The following CHST15 variants were observed in gnomAD, a reference collection of about 807,000 sequenced individuals.
CHST15 encodes the protein carbohydrate sulfotransferase 15.
CHST15 carries 30 observed loss-of-function variants against 53.6 expected under a neutral mutation model. The ratio of observed to expected loss-of-function variants is 0.56; its 90% CI spans 0.42 to 0.76. CHST15 has a LOEUF of 0.76. Ranked by LOEUF, CHST15 falls within the 30% of genes least tolerant of loss-of-function variation. The pLI is 0.00. For missense variants in CHST15, 627 were observed against 740.5 expected, an observed-to-expected ratio of 0.85 and a Z score of 1.78; for synonymous variants, 296 against 289.8, an observed-to-expected ratio of 1.02 and a Z score of -0.22.
chr10:124,046,301 C>G lies in CHST15; in HGVS notation c.-89G>C. The G allele has an allele frequency of 1.6e-6, 2 of 1,243,974 alleles. No individual in the cohort carries two copies. Among genetic ancestry groups the G allele is most frequent in the East Asian group, 4.8e-5 (2 of 41,842 alleles). The allele number at this position is 1,243,974 out of a possible 1,614,324, so 77.1% of individuals were successfully genotyped here. On this transcript the variant is annotated 5_prime_UTR_variant, in exon 2 of 8. Transcript: ENST00000435907. ...ATGTCCGCAAGTCGTGCTAGAAAAC[C>G]TTAAGAATGCCTTGTGATCACAGAA...
chr10:124,088,255 T>C (rs2134256185), intron 1 of CHST15, among the ~76,000 whole-genome samples: 1 of 152,316 alleles, frequency 6.6e-6, no homozygotes, highest in East Asian at 1.9e-4. Context: ...CTGCTGCACT[T>C]TGCCAAGCCC....
rs1948010042 is a variant in CHST15 at position 124,046,502 on chromosome 10, C to T, written c.-290G>A. The stretch of plus-strand genomic sequence containing the variant: ...GTCACAAGTTCGGGAGCAGCTCTGC[C>T]TGCCCTTCAGGTTTTTCCCATGGCA... On this transcript the variant is annotated 5_prime_UTR_variant, in exon 2 of 8. Transcript: ENST00000435907. 3.2e-6 allele frequency: 1 copy of T among 313,434 alleles called. No homozygotes were observed. The highest frequency in any genetic ancestry group is 2.1e-5 in the African/African-American group (1 of 46,562). 19.4% of individuals were successfully genotyped at this position (313,434 alleles called of 1,614,324 possible).
chr10:124,076,997 C>T (rs559371959), intron 1 of CHST15, among the ~76,000 whole-genome samples: 1 of 152,374 alleles, frequency 6.6e-6, no homozygotes, highest in South Asian at 2.1e-4. Flanking sequence ...GCGTGAGCCA[C>T]CGCGCCCGGC....
rs762760114 is a variant in CHST15, at chr10:124,045,804, G to C, written c.409C>G (p.Gln137Glu). 1.2e-6 allele frequency: 2 copies of C among 1,614,034 alleles called. No individual in the cohort carries two copies. The highest frequency in any genetic ancestry group is 2.2e-5 in the South Asian group (2 of 91,072). Residue 137 changes from glutamine to glutamate, a missense_variant, in exon 2 of 8, where the codon CAA (glutamine) becomes GAA (glutamate). By Grantham distance (29) the Gln-to-Glu change is conservative. This residue lies in a region of CHST15 where 187 missense variants were observed against 251.8 expected (regional missense o/e 0.74). Coordinates refer to ENST00000435907, the MANE Select transcript of CHST15 (RefSeq NM_001270764.2). ...TATGAAATATTATTTACAGAGGATT[G>C]GTGGTGATGCTCCTTTGTGTCACTT... ...NPSDTKEHHH[Q>E]SSVNNISYMK...
chr10:124,072,135 A>C (rs1009344379), intron 1 of CHST15, among the ~76,000 whole-genome samples: 1 of 152,232 alleles, frequency 6.6e-6, no homozygotes, highest in Non-Finnish European at 1.5e-5. Context: ...TACTGAATCT[A>C]CTTGGGGTAG....
intron 5 of CHST15, among the ~76,000 whole-genome samples, chr10:124,032,931 T>C (rs1276356053): frequency 1.0e-5 from 1 of 98,500 alleles, no homozygotes; most frequent in Non-Finnish European, 2.0e-5. Flanking sequence ...TTAGGCTGAA[T>C]GTGAACCTAA....
At position 124,012,415 on chromosome 10, in the gene CHST15, T is replaced by C. The variant is rs778447256; in HGVS notation, c.1413A>G (p.Gln471=). ...CTTCCAGGCGAAGAATGAGAAACTGTTGCTTGTCAAAAACGCTGAGCCAGT... is the reference window on the plus strand; with the variant it reads ...CTTCCAGGCGAAGAATGAGAAACTGCTGCTTGTCAAAAACGCTGAGCCAGT... ...LLDWLSVFDK[Q]QFLILRLEDH... is the part of the protein sequence containing the mutation. The change falls in exon 7 of 8, where the codon CAA becomes CAG. Residue 471 remains glutamine, a synonymous_variant. Transcript: ENST00000435907. 1.2e-6 allele frequency: 2 copies of C among 1,614,136 alleles called. No individual in the cohort carries two copies. The highest frequency in any genetic ancestry group is 1.7e-6 in the Non-Finnish European group (2 of 1,180,026).
rs906220112 is a variant in CHST15 at position 124,009,378 on chromosome 10, A to G, written c.*771T>C. On this transcript the variant is annotated 3_prime_UTR_variant, in exon 8 of 8. Transcript: ENST00000435907. ...CAGAAAGTGGTTTTGTTTTAAACGC[A>G]TTCATTTTCTATGTTAAACATAAGT... is the stretch of plus-strand genomic sequence containing the variant. 5 of 1,011,202 alleles carry G rather than the reference A, an allele frequency of 4.9e-6. No homozygotes were observed. Among genetic ancestry groups the G allele is most frequent in the Non-Finnish European group, 5.9e-6 (5 of 844,286 alleles). The allele number at this position is 1,011,202 out of a possible 1,614,324, so 62.6% of individuals were successfully genotyped here. A position where few individuals can be genotyped will look rare whatever the true frequency, so the allele number is the denominator to read the frequency against.
intron 1 of CHST15, among the ~76,000 whole-genome samples, chr10:124,056,769 G>A (rs181079432): frequency 2.6e-5 from 4 of 151,116 alleles, no homozygotes; most frequent in Admixed American, 6.6e-5. Context: ...GCCCAGGCCC[G>A]TACGACCGGA....
chr10:124,090,024 T>C (rs1393161441), intron 1 of CHST15, among the ~76,000 whole-genome samples: 1 of 152,198 alleles, frequency 6.6e-6, no homozygotes, highest in African/African-American at 2.4e-5. Context: ...ACCTCCAGCC[T>C]AGGGACCTGG....
At chr10:124,012,173 A>G (rs943431383) in intron 7 of CHST15, among the ~76,000 whole-genome samples, 160 bp downstream of exon 7, 5 of 152,148 alleles carry the variant, frequency 3.3e-5, no homozygotes, top group African/African-American at 1.2e-4. Context: ...CTAGTGCTCA[A>G]TAAATGGTAC....
At chr10:124,013,739 A>T (rs182494243) in intron 6 of CHST15, among the ~76,000 whole-genome samples, 119 of 152,254 alleles carry the variant, frequency 7.8e-4, no homozygotes, top group African/African-American at 2.7e-3. Context: ...AAACAGCCTC[A>T]TCCCCTTTTG....
intron 6 of CHST15, among the ~76,000 whole-genome samples, chr10:124,015,923 G>A (rs116777343): frequency 0.017 from 2,516 of 152,342 alleles, 30 homozygotes; most frequent in Non-Finnish European, 0.026. Flanking sequence ...GAGTGGTGAC[G>A]AGCCCTGGTG....
At chr10:124,011,244 C>A (rs1375503435) in intron 7 of CHST15, among the ~76,000 whole-genome samples, 1 of 152,194 alleles carries the variant, frequency 6.6e-6, no homozygotes, top group Non-Finnish European at 1.5e-5. Context: ...AAGTCCTTAG[C>A]CCATAGACAG....
chr10:124,083,945 C>T (rs1315101595), intron 1 of CHST15, among the ~76,000 whole-genome samples: 1 of 152,216 alleles, frequency 6.6e-6, no homozygotes, highest in Non-Finnish European at 1.5e-5. Context: ...CAGTTCAACA[C>T]GCCCAGAGCT....
chr10:124,088,744 C>T (rs1335057145), intron 1 of CHST15, among the ~76,000 whole-genome samples: 1 of 152,222 alleles, frequency 6.6e-6, no homozygotes, highest in Non-Finnish European at 1.5e-5. Context: ...AGGGACGCAG[C>T]ACGTGATAGG....
intron 1 of CHST15, among the ~76,000 whole-genome samples, chr10:124,080,285 G>A (rs1949194003): frequency 6.6e-6 from 1 of 152,152 alleles, no homozygotes; most frequent in Non-Finnish European, 1.5e-5. Flanking sequence ...CCCATCAACA[G>A]GTTCTCCCCT....
chr10:124,017,181 T>C (rs1043880755), intron 6 of CHST15, among the ~76,000 whole-genome samples: 55 of 151,880 alleles, frequency 3.6e-4, no homozygotes, highest in African/African-American at 1.1e-3. Flanking sequence ...GGGTCAGGAG[T>C]TCCCCCCTGC....
rs570673332 is a variant in CHST15, at chr10:124,036,824, G to A, written c.1190+1691C>T. 5.6e-4 allele frequency among the ~76,000 whole-genome samples: 85 copies of A among 152,308 alleles called. No individual in the cohort carries two copies. The highest frequency in any genetic ancestry group is 9.4e-4 in the Non-Finnish European group (64 of 68,022). On this transcript the variant is annotated intron_variant, in intron 5 of 7. Transcript: ENST00000435907. This position sits in a 1 kb window ranked among gnomAD's most constrained non-coding sequence, Gnocchi z 5.1. Reference sequence around the variant, plus strand: ...ACAAACACGCCTTATTGTTATAATTGGCAAATACGTGGGGCCAGGAAGGTA... The same window carrying A: ...ACAAACACGCCTTATTGTTATAATTAGCAAATACGTGGGGCCAGGAAGGTA...
Sources: allele counts gnomAD v4.1 joint callset (sites outside exome capture counted in the v4.1 genomes callset), GRCh38; gene constraint gnomAD v4.1.1; regional missense constraint gnomAD v4.1.1; non-coding constraint Gnocchi (gnomAD v3.1); transcripts MANE v1.5; gene names NCBI Gene and HGNC (gene_info 2026-07-23, HGNC 2026-07-21).